Variants in FIG4 observed in about 807,000 individuals in gnomAD.
FIG4 encodes polyphosphoinositide phosphatase.
FIG4 carries 112 observed loss-of-function variants against 118.6 expected under a neutral mutation model. The ratio of observed to expected loss-of-function variants is 0.94; its 90% CI spans 0.81 to 1.11. The LOEUF is 1.11. Ranked by LOEUF, FIG4 falls within the 50% of genes least tolerant of loss-of-function variation. FIG4 has a pLI of 0.00. For synonymous variants in FIG4, 369 were observed against 381.2 expected, an observed-to-expected ratio of 0.97 and a Z score of 0.37; for missense variants, 969 against 1,111.7, an observed-to-expected ratio of 0.87 and a Z score of 1.83.
chr6:109,745,695 T>C (rs1014436292), intron 10 of FIG4, among the ~76,000 whole-genome samples: 1 of 152,206 alleles, frequency 6.6e-6, no homozygotes, highest in African/African-American at 2.4e-5. Flanking sequence ...TTTGGTGTTT[T>C]AGTCATGAAG....
At chr6:109,760,479 T>C (rs1777069859) in intron 11 of FIG4, 96 bp downstream of exon 11, 1 of 1,147,500 alleles carries the variant, frequency 8.7e-7, no homozygotes, top group East Asian at 2.3e-5. Context: ...AATGTTACCC[T>C]GTTAATTTCC....
At position 109,769,172 on chromosome 6, in the gene FIG4, G is replaced by A. The variant is rs866036102; in HGVS notation, c.1750+2277G>A. Among the ~76,000 whole-genome samples, 13 of 150,576 alleles carry A rather than the reference G, an allele frequency of 8.6e-5. No homozygotes were observed. In the East Asian group the frequency reaches 1.6e-3, roughly 18 times the overall value. On this transcript the variant is annotated intron_variant, in intron 15 of 22. Transcript: ENST00000230124. The stretch of plus-strand genomic sequence containing the variant: ...GGCTGGAGTGCAGTGGCTCAAACTC[G>A]GCTCACTGCAAACTCCGCCTCCCGG...
At position 109,743,750 on chromosome 6, in the gene FIG4, T is replaced by A. The variant is rs1325031690; in HGVS notation, c.1115T>A (p.Ile372Asn). The A allele has an allele frequency of 6.2e-7, 1 of 1,612,294 alleles. No homozygotes were observed. The change falls in exon 10 of 23, where the codon ATC (isoleucine) becomes AAC (asparagine). Residue 372 changes from isoleucine to asparagine, a missense_variant. Transcript: ENST00000230124. ...ATGTTCCAGAGGTTTGGCTCTCCCATCATCATCTTGAATTTAGTGAAGGTA... is the reference window on the plus strand; with the variant it reads ...ATGTTCCAGAGGTTTGGCTCTCCCAACATCATCTTGAATTTAGTGAAGGTA... ...DQMFQRFGSP[I>N]IILNLVKERE...
intron 16 of FIG4, among the ~76,000 whole-genome samples, chr6:109,781,031 C>T (rs1777787440): frequency 6.6e-6 from 1 of 152,134 alleles, no homozygotes; most frequent in Non-Finnish European, 1.5e-5. Context: ...GATTTCTTGG[C>T]CTGCCCCCTG....
At chr6:109,713,860 C>T (rs1168243306) in intron 1 of FIG4, among the ~76,000 whole-genome samples, 2 of 152,076 alleles carry the variant, frequency 1.3e-5, no homozygotes, top group Non-Finnish European at 2.9e-5. Context: ...CTAAGGCTTC[C>T]CTGCAAGCAG....
intron 19 of FIG4, among the ~76,000 whole-genome samples, 156 bp downstream of exon 19, chr6:109,789,833 G>A (rs973248280): frequency 6.6e-6 from 1 of 152,192 alleles, no homozygotes; most frequent in Non-Finnish European, 1.5e-5. Flanking sequence ...TAGAATTTAT[G>A]GGAGTTTCAG....
At position 109,727,170 on chromosome 6, in the gene FIG4, G is replaced by A. The variant is rs375963892; in HGVS notation, c.351G>A (p.Ala117=). 41 of 1,609,516 alleles carry A rather than the reference G, an allele frequency of 2.5e-5. 1 individual carries two copies. Among genetic ancestry groups the A allele is most frequent in the African/African-American group, 6.7e-5 (5 of 74,764 alleles). Residue 117 remains alanine, a synonymous_variant, in exon 4 of 23, where the codon GCG becomes GCA. Coordinates refer to ENST00000230124, the MANE Select transcript of FIG4 (RefSeq NM_014845.6). ...IVLITKRRKM[A]DIGGHAIYKV... ...TAATAACTAAAAGGAGGAAGATGGCGGATATTGGAGGTCATGCAATCTATA... is the reference window on the plus strand; with the variant it reads ...TAATAACTAAAAGGAGGAAGATGGCAGATATTGGAGGTCATGCAATCTATA...
At chr6:109,773,783 C>G (rs1196493772) in intron 15 of FIG4, among the ~76,000 whole-genome samples, 1 of 152,094 alleles carries the variant, frequency 6.6e-6, no homozygotes, top group African/African-American at 2.4e-5. Flanking sequence ...GTGATTTTCC[C>G]ACCTCAGCCT....
At chr6:109,700,248 G>A (rs1774866428) in intron 1 of FIG4, among the ~76,000 whole-genome samples, 1 of 152,106 alleles carries the variant, frequency 6.6e-6, no homozygotes, top group Admixed American at 6.5e-5. Context: ...AACTATCAAT[G>A]TAAATTTAAA....
chr6:109,737,203 A>G (rs1028898144), intron 6 of FIG4, among the ~76,000 whole-genome samples: 2 of 152,160 alleles, frequency 1.3e-5, no homozygotes, highest in African/African-American at 4.8e-5. Flanking sequence ...GCACAGGGGT[A>G]AACTGATAAG....
intron 1 of FIG4, among the ~76,000 whole-genome samples, chr6:109,709,366 C>G (rs984965822): frequency 1.2e-4 from 18 of 152,052 alleles, no homozygotes; most frequent in Admixed American, 1.3e-4. Flanking sequence ...TTACTTTAGC[C>G]CTGTAGTGTA....
intron 10 of FIG4, among the ~76,000 whole-genome samples, chr6:109,754,209 T>C (rs1457614675): frequency 6.6e-6 from 1 of 152,204 alleles, no homozygotes; most frequent in Non-Finnish European, 1.5e-5. Flanking sequence ...ATGTGGTTTT[T>C]GTCTTTGGTT....
intron 16 of FIG4, among the ~76,000 whole-genome samples, chr6:109,780,058 G>T (rs1384860312): frequency 6.6e-6 from 1 of 152,138 alleles, no homozygotes; most frequent in Non-Finnish European, 1.5e-5. Context: ...GTTAATACCT[G>T]GGTGACCTTG....
chr6:109,740,138 C>T (rs1776279856), intron 7 of FIG4, among the ~76,000 whole-genome samples: 1 of 152,084 alleles, frequency 6.6e-6, no homozygotes, highest in South Asian at 2.1e-4. Flanking sequence ...GGTTTTTCAC[C>T]ACCAAGGATA....
rs1776380440 is a variant in FIG4 at position 109,743,215 on chromosome 6, G to A, written c.982G>A (p.Val328Met). Reference sequence around the variant, plus strand: ...TTCATATGTACAAGTTAGAGGATCTGTGCCCTTATACTGGTCTCAGGACAT... The same window carrying A: ...TTCATATGTACAAGTTAGAGGATCTATGCCCTTATACTGGTCTCAGGACAT... ...YSSYVQVRGS[V>M]PLYWSQDIST... The change falls in exon 9 of 23, where the codon GTG becomes ATG. Residue 328 changes from valine (V) to methionine (M), a missense_variant. Physicochemically the swap from Val to Met is conservative, Grantham distance 21 (BLOSUM62 1). Transcript: ENST00000230124. The A allele has an allele frequency of 6.2e-7, 1 of 1,612,908 alleles. No individual in the cohort carries two copies. Among genetic ancestry groups the A allele is most frequent in the Non-Finnish European group, 8.5e-7 (1 of 1,179,174 alleles).
intron 21 of FIG4, among the ~76,000 whole-genome samples, chr6:109,794,081 G>GGATT (rs1308650729): frequency 3.3e-5 from 5 of 152,168 alleles, no homozygotes; most frequent in African/African-American, 1.2e-4. Context: ...TATGTGCCAA[G>GGATT]GATTGAAGGG....
At chr6:109,786,511 A>G (rs1777963318) in intron 18 of FIG4, 62 bp downstream of exon 18, 1 of 1,574,146 alleles carries the variant, frequency 6.4e-7, no homozygotes, top group Non-Finnish European at 8.7e-7. Flanking sequence ...TAGTTTGTAT[A>G]TATATGTCTG....
chr6:109,814,838 A>G (rs1778816100), intron 22 of FIG4, among the ~76,000 whole-genome samples: 2 of 152,158 alleles, frequency 1.3e-5, no homozygotes, highest in Non-Finnish European at 2.9e-5. Flanking sequence ...AGGCTCCCTG[A>G]TTATTTTTAG....
At chr6:109,808,487 A>C (rs1778633997) in intron 22 of FIG4, among the ~76,000 whole-genome samples, 1 of 152,218 alleles carries the variant, frequency 6.6e-6, no homozygotes, top group Non-Finnish European at 1.5e-5. Flanking sequence ...GACAAAATGG[A>C]AAATATGCAT....
Sources: allele counts gnomAD v4.1 joint callset (sites outside exome capture counted in the v4.1 genomes callset), GRCh38; gene constraint gnomAD v4.1.1; transcripts MANE v1.5; gene names NCBI Gene and HGNC (gene_info 2026-07-23, HGNC 2026-07-21).